Variants in DYRK1A observed in about 807,000 individuals in gnomAD.
The protein encoded by DYRK1A is dual specificity tyrosine phosphorylation regulated kinase 1A.
Under a neutral mutation model 79.7 loss-of-function variants are expected in DYRK1A, and 9 were observed. The observed-to-expected ratio is 0.11, with a 90% CI of 0.07 to 0.20. DYRK1A has a LOEUF of 0.20. Among genes scored for constraint, DYRK1A ranks in the 10% least tolerant of loss-of-function variants. DYRK1A has a pLI of 1.00. For missense variants in DYRK1A, 622 were observed against 956.0 expected (o/e 0.65, Z 4.61); for synonymous variants, 349 against 329.7 (o/e 1.06, Z -0.63).
chr21:37,428,441 A>ATAAATGAG (rs2050686755), intron 2 of DYRK1A, among the ~76,000 whole-genome samples: 1 of 152,208 alleles, frequency 6.6e-6, no homozygotes, highest in Non-Finnish European at 1.5e-5. Flanking sequence ...CCAGGGCTTC[A>ATAAATGAG]TAAATGAGTT....
chr21:37,480,979 A>T, intron 5 of DYRK1A, 153 bp downstream of exon 5: 1 of 606,066 alleles, frequency 1.6e-6, no homozygotes, highest in East Asian at 3.0e-5. Context: ...ATAATTCTTT[A>T]AAGGTAGTGA....
At chr21:37,475,384 G>C (rs956398172) in intron 3 of DYRK1A, among the ~76,000 whole-genome samples, 1 of 152,216 alleles carries the variant, frequency 6.6e-6, no homozygotes, top group African/African-American at 2.4e-5. Context: ...GCAGAAGCAG[G>C]AAGTAGAGAA....
At chr21:37,426,688 A>G (rs1455330904) in intron 2 of DYRK1A, among the ~76,000 whole-genome samples, 2 of 151,618 alleles carry the variant, frequency 1.3e-5, no homozygotes, top group Admixed American at 6.6e-5. Flanking sequence ...AGGCGGGCAG[A>G]TCACGAGGTC....
Position 37,524,457 on chromosome 21 carries a change from C to T in DYRK1A, c.*11926C>T, listed in dbSNP as rs537709670. On this transcript the variant is annotated 3_prime_UTR_variant, in exon 12 of 12. Transcript: ENST00000647188. ...CAACCAAAGTAAGTTTCAGATGGCT[C>T]ATTTGTTAGCCAAGCAAGGAAAGTC... 2.6e-5 allele frequency: 4 copies of T among 152,300 alleles called. No homozygotes were observed. The highest frequency in any genetic ancestry group is 9.6e-5 in the African/African-American group (4 of 41,568). 9.4% of individuals were successfully genotyped at this position (152,300 alleles called of 1,614,324 possible). A position where few individuals can be genotyped will look rare whatever the true frequency, so the allele number is the denominator to read the frequency against.
intron 1 of DYRK1A, among the ~76,000 whole-genome samples, chr21:37,376,904 C>T (rs1203850781): frequency 6.6e-6 from 1 of 152,070 alleles, no homozygotes; most frequent in Non-Finnish European, 1.5e-5. Context: ...TTCAGTTTTT[C>T]CTACCAGAAA....
At chr21:37,422,818 A>G (rs945912401) in intron 2 of DYRK1A, among the ~76,000 whole-genome samples, 1 of 152,102 alleles carries the variant, frequency 6.6e-6, no homozygotes, top group East Asian at 1.9e-4. Context: ...GGGAGGAGAG[A>G]AAAAAATAGT....
intron 1 of DYRK1A, among the ~76,000 whole-genome samples, chr21:37,400,868 G>C (rs2050039456): frequency 6.6e-6 from 1 of 152,174 alleles, no homozygotes; most frequent in African/African-American, 2.4e-5. Context: ...ATAGGGGCCA[G>C]GTGCAGTGGC....
chr21:37,501,559 A>G lies in DYRK1A; in HGVS notation c.1213-3724A>G, dbSNP rs532419462. 5.9e-5 allele frequency: 9 copies of G among 152,296 alleles called. No homozygotes were observed. The East Asian group carries it at 1.7e-3, about 29-fold the overall frequency. The allele number at this position is 152,296 out of a possible 1,614,324, so 9.4% of individuals were successfully genotyped here. On this transcript the variant is annotated intron_variant, in intron 9 of 11. Coordinates refer to ENST00000647188, the MANE Select transcript of DYRK1A (RefSeq NM_001347721.2). Reference sequence around the variant, plus strand: ...ATTAGAATTTTGTTACATAATTTCAAAATATTTGAGGATTTTCTAGATGTC... The same window carrying G: ...ATTAGAATTTTGTTACATAATTTCAGAATATTTGAGGATTTTCTAGATGTC...
chr21:37,388,945 A>G (rs193092331), intron 1 of DYRK1A, among the ~76,000 whole-genome samples: 97 of 151,436 alleles, frequency 6.4e-4, no homozygotes, highest in Non-Finnish European at 1.2e-3. Context: ...CGCCCAGCCA[A>G]AAAAGTTTGT....
In DYRK1A at chr21:37,516,294, G is replaced by A. The variant is rs765317601; in HGVS notation, c.*3763G>A. The A allele has an allele frequency of 7.2e-5, 11 of 152,126 alleles. No individual in the cohort carries two copies. The highest frequency in any genetic ancestry group is 2.1e-4 in the South Asian group (1 of 4,824). The allele number at this position is 152,126 out of a possible 1,614,324, so 9.4% of individuals were successfully genotyped here. ...GGGGACAAAAGCCGTGCGTGACTTCGGTATACCCAGACTTCATTCAGATTT... is the reference window on the plus strand; with the variant it reads ...GGGGACAAAAGCCGTGCGTGACTTCAGTATACCCAGACTTCATTCAGATTT... On this transcript the variant is annotated 3_prime_UTR_variant, in exon 12 of 12. Coordinates refer to ENST00000647188, the MANE Select transcript of DYRK1A (RefSeq NM_001347721.2).
intron 2 of DYRK1A, among the ~76,000 whole-genome samples, chr21:37,437,307 T>C (rs1238185978): frequency 6.6e-6 from 1 of 152,198 alleles, no homozygotes; most frequent in African/African-American, 2.4e-5. Context: ...TTTTAAAATA[T>C]GAAAATGTGG....
intron 1 of DYRK1A, among the ~76,000 whole-genome samples, chr21:37,406,566 A>G (rs943881444): frequency 6.6e-6 from 1 of 152,028 alleles, no homozygotes; most frequent in African/African-American, 2.4e-5. Flanking sequence ...GTGGTGGCAC[A>G]TGCCTATAAT....
At chr21:37,510,087 A>T (rs886869180) in intron 11 of DYRK1A, among the ~76,000 whole-genome samples, 1 of 152,176 alleles carries the variant, frequency 6.6e-6, no homozygotes, top group African/African-American at 2.4e-5. Context: ...TCCAGTGGGG[A>T]TCTTGGACTG....
At chr21:37,486,639 G>A (rs1243200491) in intron 6 of DYRK1A, 25 bp downstream of exon 6, 6 of 1,486,188 alleles carry the variant, frequency 4.0e-6, no homozygotes, top group Non-Finnish European at 5.4e-6. Flanking sequence ...AAACAGCGCA[G>A]TGTGCCCCAA....
At chr21:37,416,450 A>G (rs2050343147) in intron 1 of DYRK1A, among the ~76,000 whole-genome samples, 1 of 149,218 alleles carries the variant, frequency 6.7e-6, no homozygotes, top group Non-Finnish European at 1.5e-5. Flanking sequence ...ATGCTGCTTG[A>G]TCATCTTATT....
At chr21:37,481,056 A>G (rs1051197104) in intron 5 of DYRK1A, 41 of 431,446 alleles carry the variant, frequency 9.5e-5, no homozygotes, top group Non-Finnish European at 1.3e-4. Flanking sequence ...TGCTCATTTT[A>G]CTAATGACTG....
At chr21:37,369,437 C>G (rs73214091) in intron 1 of DYRK1A, among the ~76,000 whole-genome samples, 3,003 of 152,324 alleles carry the variant, frequency 0.02, 31 homozygotes, top group Non-Finnish European at 0.027. Context: ...ACGCATACTT[C>G]AGGTATCCCA....
intron 2 of DYRK1A, chr21:37,430,530 G>A: frequency 8.9e-6 from 4 of 447,420 alleles, no homozygotes; most frequent in Non-Finnish European, 1.2e-5. Context: ...CAACTCAAGA[G>A]CCAGAGTCCT....
intron 11 of DYRK1A, among the ~76,000 whole-genome samples, chr21:37,508,790 G>T (rs1262607519): frequency 6.6e-6 from 1 of 151,808 alleles, no homozygotes; most frequent in African/African-American, 2.4e-5. Flanking sequence ...CATTTCCTGT[G>T]CTCTCAGCCT....
Sources: allele counts gnomAD v4.1 joint callset (sites outside exome capture counted in the v4.1 genomes callset), GRCh38; gene constraint gnomAD v4.1.1; transcripts MANE v1.5; gene names NCBI Gene and HGNC (gene_info 2026-07-23, HGNC 2026-07-21).